The following CYP19A1 variants were observed in gnomAD, a reference collection of about 807,000 sequenced individuals.
CYP19A1 encodes cytochrome P450 family 19 subfamily A member 1.
CYP19A1 carries 32 observed loss-of-function variants against 44.4 expected under a neutral mutation model. That is an observed-to-expected ratio of 0.72 (90% CI 0.54 to 0.97). The LOEUF is 0.97. CYP19A1 is among the 50% of genes least tolerant of loss of function. CYP19A1 has a pLI of 0.00. For missense variants in CYP19A1, 598 were observed against 637.8 expected (o/e 0.94, Z 0.67); for synonymous variants, 212 against 215.6 (o/e 0.98, Z 0.14).
At chr15:51,213,557 TG>T (rs1372573765) in intron 8 of CYP19A1, among the ~76,000 whole-genome samples, 2 of 152,050 alleles carry the variant, frequency 1.3e-5, no homozygotes, top group Non-Finnish European at 2.9e-5. Context: ...AAGAAGATGA[TG>T]GAGAAGGTGA....
At chr15:51,270,924 C>T (rs1281904830) in intron 1 of CYP19A1, among the ~76,000 whole-genome samples, 2 of 152,154 alleles carry the variant, frequency 1.3e-5, no homozygotes, top group Admixed American at 6.5e-5. Context: ...GGGATTCCAC[C>T]CCCACAACAA....
At chr15:51,270,751 C>CT (rs1400991657) in intron 1 of CYP19A1, among the ~76,000 whole-genome samples, 1 of 152,218 alleles carries the variant, frequency 6.6e-6, no homozygotes, top group East Asian at 1.9e-4. Flanking sequence ...CCGTCTGACT[C>CT]TAGAGTTCAT....
chr15:51,291,235 C>A (rs933985914), intron 1 of CYP19A1, among the ~76,000 whole-genome samples: 2 of 151,926 alleles, frequency 1.3e-5, no homozygotes, highest in South Asian at 4.2e-4. Context: ...CAGAGAGGAT[C>A]GGGTAGGCAG....
chr15:51,269,332 T>G (rs1372490879), intron 1 of CYP19A1, among the ~76,000 whole-genome samples: 1 of 152,178 alleles, frequency 6.6e-6, no homozygotes, highest in Admixed American at 6.5e-5. Flanking sequence ...TGGCAATATA[T>G]GCATGGGTCT....
intron 1 of CYP19A1, among the ~76,000 whole-genome samples, chr15:51,285,007 A>G (rs1351153002): frequency 1.3e-5 from 2 of 152,190 alleles, no homozygotes; most frequent in African/African-American, 2.4e-5. Context: ...TTATCAGTGG[A>G]AAGTTCTACC....
chr15:51,277,411 G>A (rs1327912826), intron 1 of CYP19A1: 1 of 152,200 alleles, frequency 6.6e-6, no homozygotes, highest in Non-Finnish European at 1.5e-5. Flanking sequence ...ACAAGGTACA[G>A]ATGCCTGTAA....
At chr15:51,312,490 T>C (rs1270276295) in intron 1 of CYP19A1, 1 of 152,242 alleles carries the variant, frequency 6.6e-6, no homozygotes, top group East Asian at 1.9e-4. Flanking sequence ...GTGGAGGTTT[T>C]CCTCCAGACC....
At chr15:51,211,185 T>A in intron 9 of CYP19A1, 129 bp from the exon 10 acceptor site, 3 of 705,396 alleles carry the variant, frequency 4.3e-6, no homozygotes, top group Non-Finnish European at 7.7e-6. Context: ...ATGCCCTCCA[T>A]CCCCTCAGAT....
chr15:51,236,900 C>T lies in CYP19A1; in HGVS notation c.255G>A (p.Met85Ile), dbSNP rs143743147. 33 of 1,614,198 alleles carry T rather than the reference C, an allele frequency of 2.0e-5. No homozygotes were observed. Among genetic ancestry groups the T allele is most frequent in the African/African-American group, 1.9e-4 (14 of 75,050 alleles). The change falls in exon 3 of 10, where the codon ATG becomes ATA. Residue 85 changes from methionine to isoleucine, a missense_variant. Transcript: ENST00000396402. ...TTTCCTCTCCAGAGATCCAGACTCG[C>T]ATGAATTCTCCATATACCCGGTTGT... The part of the protein sequence containing the change: ...NYYNRVYGEF[M>I]RVWISGEETL...
At position 51,238,851 on chromosome 15, in the gene CYP19A1, A is replaced by G. The variant is rs16964214; in HGVS notation, c.146-1842T>C. Among the ~76,000 whole-genome samples, 866 of 152,344 alleles carry G rather than the reference A, an allele frequency of 5.7e-3. 13 individuals are homozygous for G. Among genetic ancestry groups the G allele is most frequent in the African/African-American group, 0.02 (826 of 41,578 alleles). ...AGCTTAATTCATCCAACAAACAATT[A>G]CTGGTATAGATACTACTGGTATAGA... On this transcript the variant is annotated intron_variant, in intron 2 of 9. Transcript: ENST00000396402.
chr15:51,336,093 A>ACATCC (rs2141034369), intron 1 of CYP19A1, among the ~76,000 whole-genome samples: 1 of 152,188 alleles, frequency 6.6e-6, no homozygotes, highest in Admixed American at 6.5e-5. Context: ...CCTGAACCAC[A>ACATCC]CATCCAACTC....
At chr15:51,230,417 C>T (rs2032936293) in intron 3 of CYP19A1, among the ~76,000 whole-genome samples, 1 of 152,280 alleles carries the variant, frequency 6.6e-6, no homozygotes, top group African/African-American at 2.4e-5. Context: ...GGGTTATTAT[C>T]CCTCATTAAG....
chr15:51,300,486 T>C (rs948685119), intron 1 of CYP19A1, among the ~76,000 whole-genome samples: 1 of 152,214 alleles, frequency 6.6e-6, no homozygotes, highest in African/African-American at 2.4e-5. Flanking sequence ...TTGAGTCACC[T>C]ATAGGAGAAT....
intron 1 of CYP19A1, among the ~76,000 whole-genome samples, chr15:51,337,640 G>A (rs2036798503): frequency 6.6e-6 from 1 of 152,248 alleles, no homozygotes; most frequent in Admixed American, 6.5e-5. Flanking sequence ...GGTACTCGGA[G>A]TTAGGCCTTA....
Position 51,210,283 on chromosome 15 carries a change from C to T in CYP19A1, c.*525G>A. 1 of 456,626 alleles carries T rather than the reference C, an allele frequency of 2.2e-6. No individual in the cohort carries two copies. The allele number at this position is 456,626 out of a possible 1,614,324, so 28.3% of individuals were successfully genotyped here. On this transcript the variant is annotated 3_prime_UTR_variant, in exon 10 of 10. Coordinates refer to ENST00000396402, the MANE Select transcript of CYP19A1 (RefSeq NM_000103.4). ...ACAGCAAGGGTCAAATGCTGAATTT[C>T]TAAGCATTTCTCCAAAGACTATGAA...
At chr15:51,300,102 G>A (rs1160096046) in intron 1 of CYP19A1, among the ~76,000 whole-genome samples, 1 of 152,210 alleles carries the variant, frequency 6.6e-6, no homozygotes, top group African/African-American at 2.4e-5. Context: ...GTGTCTATCA[G>A]CTCCCCTCAG....
intron 1 of CYP19A1, among the ~76,000 whole-genome samples, chr15:51,261,169 G>A (rs943589737): frequency 1.4e-4 from 22 of 152,152 alleles, no homozygotes; most frequent in African/African-American, 5.1e-4. Flanking sequence ...TGGGTTCCAC[G>A]GTTCTCTTCC....
At chr15:51,255,047 T>C (rs1410753552) in intron 1 of CYP19A1, among the ~76,000 whole-genome samples, 1 of 152,036 alleles carries the variant, frequency 6.6e-6, no homozygotes, top group African/African-American at 2.4e-5. Context: ...AACAGGGTCA[T>C]GGGCTCCCTT....
In CYP19A1 at chr15:51,230,899, G is replaced by A. The variant is rs2032977803; in HGVS notation, c.297-2966C>T. 2.6e-5 allele frequency among the ~76,000 whole-genome samples: 4 copies of A among 152,154 alleles called. No individual in the cohort carries two copies. The South Asian group carries it at 8.3e-4, about 32-fold the overall frequency. Reference sequence around the variant, plus strand: ...CACCTCCCAAAGTGCTGGCATTACAGGTGTGAGCCACTGCACCCGGCTGGT... The same window carrying A: ...CACCTCCCAAAGTGCTGGCATTACAAGTGTGAGCCACTGCACCCGGCTGGT... On this transcript the variant is annotated intron_variant, in intron 3 of 9. Coordinates refer to ENST00000396402, the MANE Select transcript of CYP19A1 (RefSeq NM_000103.4).
Sources: gnomAD v4.1 joint callset for allele counts (sites outside exome capture counted in the v4.1 genomes callset) on GRCh38, gnomAD v4.1.1 for gene constraint, MANE v1.5 for transcripts, NCBI Gene and HGNC (gene_info 2026-07-23, HGNC 2026-07-21) for gene names.